The following MELK variants were observed in gnomAD, a reference collection of about 807,000 sequenced individuals.
The protein encoded by MELK is pEg3 kinase.
A neutral mutation model predicts 85.0 loss-of-function variants in MELK; 81 were observed. The observed-to-expected ratio is 0.95, with a 90% CI of 0.80 to 1.15. The LOEUF (loss-of-function observed/expected upper bound fraction) is 1.15. Ranked by LOEUF, MELK falls within the 50% of genes most tolerant of loss-of-function variation. The pLI is 0.00. For missense variants in MELK, 754 were observed against 777.5 expected, an observed-to-expected ratio of 0.97 and a Z score of 0.36; for synonymous variants, 252 against 265.0, an observed-to-expected ratio of 0.95 and a Z score of 0.48.
In MELK at chr9:36,666,898, TGTGTGTGTGA is replaced by T. The variant is rs1346578575; in HGVS notation, c.1408+1318_1408+1327del. Among the ~76,000 whole-genome samples, 7 of 113,610 alleles carry T rather than the reference TGTGTGTGTGA, an allele frequency of 6.2e-5. No individual in the cohort carries two copies. The East Asian group carries it at 8.8e-4, about 14-fold the overall frequency. The allele number at this position is 113,610 out of a possible 152,430, so 74.5% of individuals were successfully genotyped here. A position where few individuals can be genotyped will look rare whatever the true frequency, so the allele number is the denominator to read the frequency against. On this transcript the variant is annotated intron_variant, in intron 14 of 17. Coordinates refer to ENST00000298048, the MANE Select transcript of MELK (RefSeq NM_014791.4). ...GTGTGTGTGTGTGTGTGTGTGTGTG[TGTGTGTGTGA>T]TGGTGTGTGTGTGGGGGGGTGCGGT...
intron 4 of MELK, among the ~76,000 whole-genome samples, chr9:36,591,770 A>G (rs764763336): frequency 1.1e-4 from 16 of 151,816 alleles, no homozygotes; most frequent in Admixed American, 3.9e-4. Flanking sequence ...GTTTTTACTT[A>G]AATAAAAAAA....
intron 8 of MELK, among the ~76,000 whole-genome samples, chr9:36,625,583 G>A (rs537192540): frequency 1.3e-5 from 2 of 152,244 alleles, no homozygotes; most frequent in African/African-American, 2.4e-5. Context: ...TAGATGAAGC[G>A]TGGTAGGGGA....
At chr9:36,664,284 A>G (rs552629910) in intron 13 of MELK, among the ~76,000 whole-genome samples, 321 of 152,252 alleles carry the variant, frequency 2.1e-3, no homozygotes, top group African/African-American at 7.2e-3. Context: ...TAATTTTAAT[A>G]TCTGAAATCT....
rs1032253115 is a variant in MELK at position 36,617,096 on chromosome 9, G to A, written c.666+9423G>A. Among the ~76,000 whole-genome samples, 5 of 152,258 alleles carry A rather than the reference G, an allele frequency of 3.3e-5. No homozygotes were observed. In the East Asian group the frequency reaches 9.6e-4, roughly 29 times the overall value. ...AATCTGTAAGAAAATTTCTAGAACAGTTGGTGGGTCAAAGATATGTGAATT... is the reference window on the plus strand; with the variant it reads ...AATCTGTAAGAAAATTTCTAGAACAATTGGTGGGTCAAAGATATGTGAATT... On this transcript the variant is annotated intron_variant, in intron 8 of 17. Transcript: ENST00000298048.
At chr9:36,638,430 C>T (rs1485957995) in intron 10 of MELK, among the ~76,000 whole-genome samples, 2 of 152,038 alleles carry the variant, frequency 1.3e-5, no homozygotes, top group African/African-American at 2.4e-5. Flanking sequence ...GGATTACAGG[C>T]ATGCGCCACC....
chr9:36,584,613 G>A (rs76851378), intron 3 of MELK, among the ~76,000 whole-genome samples: 1 of 151,028 alleles, frequency 6.6e-6, no homozygotes, highest in Non-Finnish European at 1.5e-5. Flanking sequence ...GATTACAGGC[G>A]TGAGGCACCG....
chr9:36,596,027 G>C (rs1432060661), intron 5 of MELK, among the ~76,000 whole-genome samples: 1 of 151,778 alleles, frequency 6.6e-6, no homozygotes, highest in African/African-American at 2.4e-5. Context: ...TGTTGGCCAG[G>C]CTGGTTTCAA....
At chr9:36,632,993 A>G in intron 9 of MELK, 109 bp from the exon 10 acceptor site, 1 of 758,514 alleles carries the variant, frequency 1.3e-6, no homozygotes, top group Non-Finnish European at 2.2e-6. Flanking sequence ...CATTTTTGTG[A>G]TGATAAAGTT....
At chr9:36,667,471 T>A (rs1554742519) in intron 14 of MELK, among the ~76,000 whole-genome samples, 5 of 152,170 alleles carry the variant, frequency 3.3e-5, no homozygotes, top group South Asian at 4.1e-4. Flanking sequence ...CTTTTTTATT[T>A]AAAAAAAATT....
chr9:36,583,061 C>T (rs1433314092), intron 2 of MELK, among the ~76,000 whole-genome samples: 1 of 151,406 alleles, frequency 6.6e-6, no homozygotes, highest in Non-Finnish European at 1.5e-5. Flanking sequence ...GCAAGCTCCA[C>T]CTCCTGGGTT....
chr9:36,653,305 C>A (rs1830893854), intron 12 of MELK, among the ~76,000 whole-genome samples: 1 of 152,042 alleles, frequency 6.6e-6, no homozygotes, highest in African/African-American at 2.4e-5. Flanking sequence ...TGCCACCACA[C>A]CTGGCTAATT....
chr9:36,649,432 A>T (rs1414588389), intron 11 of MELK, among the ~76,000 whole-genome samples: 1 of 152,118 alleles, frequency 6.6e-6, no homozygotes, highest in African/African-American at 2.4e-5. Context: ...GCTTGCAGTG[A>T]CCCAAGATCG....
chr9:36,671,075 G>T lies in MELK; in HGVS notation c.1583G>T (p.Gly528Val). 6.2e-7 allele frequency: 1 copy of T among 1,613,462 alleles called. No individual in the cohort carries two copies. ...AAAAGAAAGGGAGCCAAAGTGTTTG[G>T]GAGCCTTGAAAGGGGGTTGGATAAG... ...TPKRKGAKVF[G>V]SLERGLDKVI... Residue 528 changes from glycine (G) to valine (V), a missense_variant, in exon 16 of 18, where the codon GGG (glycine) becomes GTG (valine). Transcript: ENST00000298048.
intron 5 of MELK, among the ~76,000 whole-genome samples, chr9:36,596,838 A>C (rs934598568): frequency 7.1e-6 from 1 of 141,570 alleles, no homozygotes; most frequent in South Asian, 2.3e-4. Context: ...TGCCTGCCTC[A>C]GCCTCCCAAA....
chr9:36,615,273 G>A lies in MELK; in HGVS notation c.666+7600G>A, dbSNP rs1309851451. The stretch of plus-strand genomic sequence containing the variant: ...TGACCCCCCCACCTCCCTCCCAGAC[G>A]GCACGGCTGGCCAGGCGGGGGGCTG... On this transcript the variant is annotated intron_variant, in intron 8 of 17. Transcript: ENST00000298048. 8.5e-3 allele frequency among the ~76,000 whole-genome samples: 1,025 copies of A among 121,004 alleles called. 90 individuals are homozygous for A. The highest frequency in any genetic ancestry group is 0.033 in the South Asian group (119 of 3,554). 79.4% of individuals were successfully genotyped at this position (121,004 alleles called of 152,430 possible).
rs200632348 is a variant in MELK at position 36,669,227 on chromosome 9, ATACC to A, written c.1409-81_1409-78del. 9.8e-3 allele frequency: 8,151 copies of A among 829,884 alleles called. 410 individuals are homozygous for A. In the African/African-American group the frequency reaches 0.12, roughly 12 times the overall value. The allele number at this position is 829,884 out of a possible 1,614,324, so 51.4% of individuals were successfully genotyped here. On this transcript the variant is annotated intron_variant, in intron 14 of 17. Transcript: ENST00000298048. ...TGTTTCTGAGTCAATGAATAATGTG[ATACC>A]TGCATTATTATTAATAATAGAAATT... is the stretch of plus-strand genomic sequence containing the variant.
chr9:36,639,182 T>C (rs1829507767), intron 10 of MELK, among the ~76,000 whole-genome samples: 1 of 152,216 alleles, frequency 6.6e-6, no homozygotes, highest in Non-Finnish European at 1.5e-5. Context: ...TGTCAATCTG[T>C]GTATGTTTGG....
chr9:36,617,257 A>G (rs1826924874), intron 8 of MELK, among the ~76,000 whole-genome samples: 1 of 151,830 alleles, frequency 6.6e-6, no homozygotes, highest in Non-Finnish European at 1.5e-5. Context: ...TTTGATTGTT[A>G]TGTTTAAGAC....
chr9:36,669,231 C>A (rs3780133), intron 14 of MELK, 79 bp from the exon 15 acceptor site: 785,579 of 876,726 alleles, frequency 0.9, 351,582 homozygotes, highest in Admixed American at 0.93. Context: ...AATGTGATAC[C>A]TGCATTATTA....
Sources: gnomAD v4.1 joint callset for allele counts (sites outside exome capture counted in the v4.1 genomes callset) on GRCh38, gnomAD v4.1.1 for gene constraint, MANE v1.5 for transcripts, NCBI Gene and HGNC (gene_info 2026-07-23, HGNC 2026-07-21) for gene names.